The following CENPP variants were observed in gnomAD, a reference collection of about 807,000 sequenced individuals.
The protein encoded by CENPP is centromere protein P.
Under a neutral mutation model 35.6 loss-of-function variants are expected in CENPP, and 24 were observed. The ratio of observed to expected loss-of-function variants is 0.67; its 90% CI spans 0.49 to 0.95. The LOEUF (loss-of-function observed/expected upper bound fraction) is 0.95, where lower values mean the gene tolerates loss of function less well. CENPP is among the 40% of genes least tolerant of loss of function. The pLI is 0.00. For synonymous variants in CENPP, 120 were observed against 125.5 expected, an observed-to-expected ratio of 0.96 and a Z score of 0.29; for missense variants, 332 against 345.3, an observed-to-expected ratio of 0.96 and a Z score of 0.31.
chr9:92,451,706 G>C (rs1328716832), intron 5 of CENPP, among the ~76,000 whole-genome samples: 46 of 148,802 alleles, frequency 3.1e-4, no homozygotes, highest in Non-Finnish European at 3.0e-5. Flanking sequence ...CCATTTTCAC[G>C]ATATTGATTC....
At chr9:92,374,006 C>T (rs1842067484) in intron 4 of CENPP, among the ~76,000 whole-genome samples, 1 of 150,054 alleles carries the variant, frequency 6.7e-6, no homozygotes. Flanking sequence ...TCTTTTTTGG[C>T]ATTTGCTTTT....
chr9:92,333,218 G>T (rs1451208366), intron 2 of CENPP, among the ~76,000 whole-genome samples: 1 of 152,204 alleles, frequency 6.6e-6, no homozygotes, highest in Non-Finnish European at 1.5e-5. Flanking sequence ...CCCAAAAGCA[G>T]AAATCATTTT....
chr9:92,594,789 TACAA>T (rs780978608), intron 5 of CENPP, among the ~76,000 whole-genome samples: 2 of 151,898 alleles, frequency 1.3e-5, no homozygotes, highest in Non-Finnish European at 2.9e-5. Context: ...ACCCCATCTC[TACAA>T]ACATTTTTTA....
chr9:92,559,125 A>G (rs1277626976), intron 5 of CENPP, among the ~76,000 whole-genome samples: 2 of 152,034 alleles, frequency 1.3e-5, no homozygotes, highest in Non-Finnish European at 2.9e-5. Flanking sequence ...GCCCTCCCCC[A>G]GTTCTGGCCA....
At chr9:92,517,552 T>G in intron 5 of CENPP, 1 of 1,167,472 alleles carries the variant, frequency 8.6e-7, no homozygotes, top group Non-Finnish European at 1.2e-6. Flanking sequence ...TCTATGTTAA[T>G]CAGCATTTTG....
At chr9:92,379,652 CT>C in intron 4 of CENPP, 110 bp from the exon 5 acceptor site, 2 of 703,424 alleles carry the variant, frequency 2.8e-6, no homozygotes, top group Non-Finnish European at 2.4e-6. Flanking sequence ...TGTAGAACTA[CT>C]TCAAGTTTTT....
intron 5 of CENPP, among the ~76,000 whole-genome samples, chr9:92,551,938 T>TATG (rs1554686261): frequency 3.5e-5 from 3 of 86,672 alleles, no homozygotes; most frequent in South Asian, 2.8e-4. Context: ...TATATATATA[T>TATG]ATATATATAT....
chr9:92,582,274 T>C (rs1168262713), intron 5 of CENPP, among the ~76,000 whole-genome samples: 2 of 152,124 alleles, frequency 1.3e-5, no homozygotes, highest in Non-Finnish European at 1.5e-5. Context: ...CCCAGGCTGG[T>C]CTCGAACTCC....
In CENPP at chr9:92,438,947, T is replaced by G. The variant is rs1183388594; in HGVS notation, c.564+59088T>G. On this transcript the variant is annotated intron_variant, in intron 5 of 7. Coordinates refer to ENST00000375587, the MANE Select transcript of CENPP (RefSeq NM_001012267.3). ...GCCTGTGTGACAGAGCGAGACTCCA[T>G]CTCAGTCAATCAATCGGTCAATCAA... Among the ~76,000 whole-genome samples the G allele has an allele frequency of 2.6e-5, 4 of 152,234 alleles. No individual in the cohort carries two copies. In the East Asian group the frequency reaches 7.7e-4, roughly 29 times the overall value.
At chr9:92,450,540 G>A (rs535368201) in intron 5 of CENPP, among the ~76,000 whole-genome samples, 18 of 152,144 alleles carry the variant, frequency 1.2e-4, no homozygotes, top group Admixed American at 8.5e-4. Flanking sequence ...ATTGTGAATA[G>A]TGCCACAATA....
chr9:92,335,846 A>G (rs1840909431), intron 2 of CENPP, among the ~76,000 whole-genome samples: 1 of 152,156 alleles, frequency 6.6e-6, no homozygotes, highest in Non-Finnish European at 1.5e-5. Context: ...TTTTTCTTGA[A>G]GTTTATTCTG....
intron 5 of CENPP, among the ~76,000 whole-genome samples, chr9:92,443,817 G>A (rs547057044): frequency 3.3e-5 from 5 of 151,950 alleles, no homozygotes; most frequent in African/African-American, 7.2e-5. Flanking sequence ...ACACCACCAC[G>A]CCCAGCTAAT....
intron 5 of CENPP, among the ~76,000 whole-genome samples, chr9:92,557,508 G>A (rs1328334847): frequency 6.6e-6 from 1 of 152,154 alleles, no homozygotes; most frequent in Admixed American, 6.5e-5. Context: ...TGGAGGCTTT[G>A]TTCTTATTTT....
At chr9:92,494,033 G>A in intron 5 of CENPP, 2 of 1,578,076 alleles carry the variant, frequency 1.3e-6, no homozygotes, top group Non-Finnish European at 8.6e-7. Context: ...TTTTCTGACT[G>A]CACAGCACTT....
At chr9:92,371,885 A>G (rs1472286519) in intron 4 of CENPP, among the ~76,000 whole-genome samples, 1 of 135,554 alleles carries the variant, frequency 7.4e-6, no homozygotes, top group Non-Finnish European at 1.6e-5. Context: ...TTTTTTTTTG[A>G]GACGGAGTCT....
intron 5 of CENPP, among the ~76,000 whole-genome samples, chr9:92,533,123 C>A (rs937945966): frequency 6.7e-6 from 1 of 149,818 alleles, no homozygotes; most frequent in Non-Finnish European, 1.5e-5. Flanking sequence ...ATGGTGAAAC[C>A]CCGTCTCTAT....
Position 92,619,655 on chromosome 9 carries a change from C to A in CENPP, c.*6506C>A. 1 of 1,148,828 alleles carries A rather than the reference C, an allele frequency of 8.7e-7. No homozygotes were observed. The highest frequency in any genetic ancestry group is 1.3e-6 in the Non-Finnish European group (1 of 787,440). 71.2% of individuals were successfully genotyped at this position (1,148,828 alleles called of 1,614,324 possible). On this transcript the variant is annotated 3_prime_UTR_variant, in exon 8 of 8. Coordinates refer to ENST00000375587, the MANE Select transcript of CENPP (RefSeq NM_001012267.3). ...CCTTCCCAGTAGCCAAGTGTGGGAACTGCTTCCTGCCTCAGAACCTGAGGG... is the reference window on the plus strand; with the variant it reads ...CCTTCCCAGTAGCCAAGTGTGGGAAATGCTTCCTGCCTCAGAACCTGAGGG...
intron 1 of CENPP, among the ~76,000 whole-genome samples, chr9:92,331,715 C>G (rs897401798): frequency 6.6e-6 from 1 of 152,154 alleles, no homozygotes. Context: ...TAATCCAGCA[C>G]GCTGGGAGAC....
chr9:92,363,621 T>C (rs1841817475), intron 4 of CENPP, among the ~76,000 whole-genome samples: 1 of 152,220 alleles, frequency 6.6e-6, no homozygotes, highest in Non-Finnish European at 1.5e-5. Context: ...TGTATCCCTG[T>C]TGTTAAGCTA....
Sources: gnomAD v4.1 joint callset for allele counts (sites outside exome capture counted in the v4.1 genomes callset) on GRCh38, gnomAD v4.1.1 for gene constraint, MANE v1.5 for transcripts, NCBI Gene and HGNC (gene_info 2026-07-23, HGNC 2026-07-21) for gene names.